Variants in MTR observed in about 807,000 individuals in gnomAD.
MTR encodes the protein 5-methyltetrahydrofolate-homocysteine methyltransferase.
MTR carries 84 observed loss-of-function variants against 154.8 expected under a neutral mutation model. The observed-to-expected ratio is 0.54, with a 90% CI of 0.45 to 0.65. The LOEUF (loss-of-function observed/expected upper bound fraction) is 0.65. MTR is among the 30% of genes least tolerant of loss of function. The pLI, the probability that MTR is intolerant of heterozygous loss-of-function variation, is 0.00. For synonymous variants in MTR, 554 were observed against 553.9 expected, an observed-to-expected ratio of 1.00 and a Z score of 0.00; for missense variants, 1,275 against 1,570.2, an observed-to-expected ratio of 0.81 and a Z score of 3.18.
chr1:236,889,167 C>G lies in MTR; in HGVS notation c.2852-14C>G. On this transcript the variant is annotated splice_polypyrimidine_tract_variant and intron_variant, in intron 27 of 32. Transcript: ENST00000366577. ...GCCAGCGTCAGCATTGACAACCATA[C>G]TTCTCTCCTGTAGTGAAGCCCACGT... The G allele has an allele frequency of 6.2e-7, 1 of 1,614,080 alleles. No homozygotes were observed. The highest frequency in any genetic ancestry group is 8.5e-7 in the Non-Finnish European group (1 of 1,180,016).
intron 22 of MTR, 136 bp from the exon 23 acceptor site, chr1:236,873,637 A>G (rs1204392090): frequency 2.7e-6 from 2 of 742,326 alleles, no homozygotes; most frequent in South Asian, 1.6e-5. Context: ...GGTAATCCTC[A>G]ATATTTAGTG....
At chr1:236,804,219 A>C (rs1443123456) in intron 2 of MTR, among the ~76,000 whole-genome samples, 1 of 152,176 alleles carries the variant, frequency 6.6e-6, no homozygotes, top group Non-Finnish European at 1.5e-5. Context: ...CTGTGTTCTC[A>C]ATGTTTGTGT....
rs574371346 is a variant in MTR at position 236,840,718 on chromosome 1, GT to G, written c.1515+2123del. Among the ~76,000 whole-genome samples the G allele has an allele frequency of 4.5e-3, 691 of 152,288 alleles. 6 individuals are homozygous for G. The highest frequency in any genetic ancestry group is 0.016 in the African/African-American group (654 of 41,568). On this transcript the variant is annotated intron_variant, in intron 15 of 32. Coordinates refer to ENST00000366577, the MANE Select transcript of MTR (RefSeq NM_000254.3). ...CCATATTAGTGGATTAAAACTCCATGTTTTCTGGTTGCATTGCATTCCAGTA... is the reference window on the plus strand; with the variant it reads ...CCATATTAGTGGATTAAAACTCCATGTTTCTGGTTGCATTGCATTCCAGTA...
intron 24 of MTR, among the ~76,000 whole-genome samples, chr1:236,876,371 G>T (rs1355769538): frequency 6.6e-6 from 1 of 152,198 alleles, no homozygotes; most frequent in Non-Finnish European, 1.5e-5. Context: ...AGGAAATGTG[G>T]CAGACTTGGT....
intron 8 of MTR, among the ~76,000 whole-genome samples, chr1:236,818,974 C>T (rs749437961): frequency 3.3e-5 from 5 of 152,192 alleles, no homozygotes; most frequent in Non-Finnish European, 7.3e-5. Context: ...AAGAAGGTGA[C>T]ATTTGAGCTA....
chr1:236,868,893 T>C (rs1371222742), intron 22 of MTR, among the ~76,000 whole-genome samples: 3 of 152,234 alleles, frequency 2.0e-5, no homozygotes, highest in Non-Finnish European at 4.4e-5. Flanking sequence ...CACATGCTGA[T>C]AATTATTTAG....
chr1:236,821,053 A>G (rs1661909736), intron 8 of MTR, among the ~76,000 whole-genome samples: 2 of 152,188 alleles, frequency 1.3e-5, no homozygotes, highest in African/African-American at 2.4e-5. Flanking sequence ...GTCATATTCT[A>G]CTTTCTATCG....
Position 236,850,385 on chromosome 1 carries a change from C to T in MTR, c.1557C>T (p.Ala519=), listed in dbSNP as rs754424424. The change falls in exon 16 of 33, where the codon GCC becomes GCT. Residue 519 remains alanine (A), a synonymous_variant. Transcript: ENST00000366577. The part of the protein sequence containing the change: ...TDTKIRVCTR[A]YHLLVKKLGF... ...CAAAAATCAGAGTGTGCACCCGGGC[C>T]TACCATCTGCTTGTGAAAAAACTGG... is the stretch of plus-strand genomic sequence containing the variant. 3.1e-6 allele frequency: 5 copies of T among 1,613,748 alleles called. No individual in the cohort carries two copies. Among genetic ancestry groups the T allele is most frequent in the Non-Finnish European group, 4.2e-6 (5 of 1,179,904 alleles).
At chr1:236,896,355 A>G (rs1200777661) in intron 31 of MTR, among the ~76,000 whole-genome samples, 3 of 152,260 alleles carry the variant, frequency 2.0e-5, no homozygotes, top group African/African-American at 7.2e-5. Context: ...GCTGTGCTGA[A>G]TCTGCTTCAG....
At position 236,888,400 on chromosome 1, in the gene MTR, A is replaced by G. The variant is rs182457276; in HGVS notation, c.2852-781A>G. ...ACCATCTGTCTCTGAAGTCTTCACC[A>G]TTATTTAAATTATGATGTATTTTAG... On this transcript the variant is annotated intron_variant, in intron 27 of 32. Transcript: ENST00000366577. 5.7e-3 allele frequency among the ~76,000 whole-genome samples: 863 copies of G among 152,352 alleles called. 11 individuals are homozygous for G. Among genetic ancestry groups the G allele is most frequent in the African/African-American group, 0.02 (811 of 41,586 alleles).
At chr1:236,819,849 G>A in intron 8 of MTR, 1 of 770,158 alleles carries the variant, frequency 1.3e-6, no homozygotes, top group Non-Finnish European at 2.4e-6. Flanking sequence ...TAAAAACCCT[G>A]CTGATGTCAG....
At chr1:236,877,600 T>G (rs771635841) in intron 24 of MTR, among the ~76,000 whole-genome samples, 1 of 152,212 alleles carries the variant, frequency 6.6e-6, no homozygotes, top group Non-Finnish European at 1.5e-5. Context: ...CAATGTAGTA[T>G]TCCATTGTAT....
chr1:236,881,873 G>C (rs1225021959), intron 25 of MTR, among the ~76,000 whole-genome samples: 1 of 151,932 alleles, frequency 6.6e-6, no homozygotes. Context: ...GTATTTTTTG[G>C]TCCCCATTTT....
chr1:236,877,955 G>A (rs1665522154), intron 24 of MTR, among the ~76,000 whole-genome samples: 1 of 152,126 alleles, frequency 6.6e-6, no homozygotes, highest in South Asian at 2.1e-4. Flanking sequence ...GAGTAATGAT[G>A]TTGAACACCT....
In MTR at chr1:236,902,977, C is replaced by T. The variant is rs935610014; in HGVS notation, c.*5333C>T. 2 of 152,036 alleles carry T rather than the reference C, an allele frequency of 1.3e-5. No individual in the cohort carries two copies. Among genetic ancestry groups the T allele is most frequent in the East Asian group, 1.9e-4 (1 of 5,186 alleles). The allele number at this position is 152,036 out of a possible 1,614,324, so 9.4% of individuals were successfully genotyped here. ...ATATACACCAGTATATGCATTAAAACGTCAAGAAGAGCTGGGCACAGTGTC... is the reference window on the plus strand; with the variant it reads ...ATATACACCAGTATATGCATTAAAATGTCAAGAAGAGCTGGGCACAGTGTC... On this transcript the variant is annotated 3_prime_UTR_variant, in exon 33 of 33. Transcript: ENST00000366577.
chr1:236,809,262 C>T (rs905500816), intron 4 of MTR, among the ~76,000 whole-genome samples: 1 of 152,284 alleles, frequency 6.6e-6, no homozygotes, highest in Non-Finnish European at 1.5e-5. Context: ...CTTGAAGGCT[C>T]TGTGAAGCAC....
In MTR at chr1:236,897,128, C is replaced by G; in HGVS notation, c.3711+10C>G. On this transcript the variant is annotated intron_variant, in intron 32 of 32. Transcript: ENST00000366577. ...GATTTCCAAGGATCAGGTAAGCTAGCTGTTGCATTATATGTGGCTTGCCTA... is the reference window on the plus strand; with the variant it reads ...GATTTCCAAGGATCAGGTAAGCTAGGTGTTGCATTATATGTGGCTTGCCTA... 6.3e-7 allele frequency: 1 copy of G among 1,581,492 alleles called. No homozygotes were observed. The highest frequency in any genetic ancestry group is 8.7e-7 in the Non-Finnish European group (1 of 1,150,398).
At chr1:236,825,317 G>T (rs879513849) in intron 9 of MTR, 21 bp from the exon 10 acceptor site, 6 of 1,597,418 alleles carry the variant, frequency 3.8e-6, no homozygotes, top group African/African-American at 1.3e-5. Context: ...TTGCAATAAT[G>T]GTTGAATTAT....
At chr1:236,835,772 G>C in intron 14 of MTR, 85 bp downstream of exon 14, 1 of 1,559,320 alleles carries the variant, frequency 6.4e-7, no homozygotes, top group South Asian at 1.1e-5. Flanking sequence ...CCATTAATCT[G>C]TGAACTCAAG....
Sources: gnomAD v4.1 joint callset for allele counts (sites outside exome capture counted in the v4.1 genomes callset) on GRCh38, gnomAD v4.1.1 for gene constraint, MANE v1.5 for transcripts, NCBI Gene and HGNC (gene_info 2026-07-23, HGNC 2026-07-21) for gene names.